PDE3B: variants seen among roughly 807,000 people sequenced by gnomAD.
PDE3B encodes the protein cGMP-inhibited 3',5'-cyclic phosphodiesterase 3B.
Under a neutral mutation model 116.8 loss-of-function variants are expected in PDE3B, and 66 were observed. That is an observed-to-expected ratio of 0.56 (90% CI 0.46 to 0.69). The LOEUF is 0.69. PDE3B is among the 30% of genes least tolerant of loss of function. The probability of loss-of-function intolerance (pLI) is 0.00; values close to 1 mark genes in which losing one functional copy is unlikely to be tolerated. For synonymous variants in PDE3B, 595 were observed against 533.6 expected, an observed-to-expected ratio of 1.12 and a Z score of -1.59; for missense variants, 1,384 against 1,368.1, an observed-to-expected ratio of 1.01 and a Z score of -0.18.
At chr11:14,679,285 T>C (rs1854626577) in intron 1 of PDE3B, among the ~76,000 whole-genome samples, 1 of 152,202 alleles carries the variant, frequency 6.6e-6, no homozygotes, top group Admixed American at 6.5e-5. Context: ...CACATTAAAT[T>C]AGTAGAATCA....
intron 1 of PDE3B, among the ~76,000 whole-genome samples, chr11:14,765,245 AT>A (rs574999902): frequency 1.2e-4 from 18 of 152,108 alleles, no homozygotes; most frequent in African/African-American, 4.1e-4. Context: ...TAAATTTCAC[AT>A]AAATATAACA....
At chr11:14,849,102 C>G (rs1388088075) in intron 12 of PDE3B, among the ~76,000 whole-genome samples, 22 of 149,774 alleles carry the variant, frequency 1.5e-4, no homozygotes, top group Admixed American at 9.4e-4. Context: ...CAAGGCTACA[C>G]TAACCAAAAC....
chr11:14,771,832 T>A, intron 1 of PDE3B, 105 bp from the exon 2 acceptor site: 2 of 436,602 alleles, frequency 4.6e-6, no homozygotes, highest in Non-Finnish European at 8.4e-6. Flanking sequence ...CTCTTCCAGA[T>A]TTTGAGCTAT....
downstream of PDE3B, among the ~76,000 whole-genome samples, chr11:14,876,957 T>G (rs1351686136): frequency 6.6e-6 from 1 of 152,170 alleles, no homozygotes; most frequent in Non-Finnish European, 1.5e-5. Context: ...AAACTCCTGA[T>G]GTATAACACA....
intron 1 of PDE3B, among the ~76,000 whole-genome samples, chr11:14,767,937 C>T (rs2349789): frequency 0.98 from 148,046 of 151,078 alleles, 72,636 homozygotes; most frequent in Middle Eastern, 1. Context: ...TAATCTAATA[C>T]TACGGAGACA....
intron 1 of PDE3B, among the ~76,000 whole-genome samples, chr11:14,710,719 GGA>G (rs1400092106): frequency 6.6e-6 from 1 of 152,158 alleles, no homozygotes; most frequent in Non-Finnish European, 1.5e-5. Flanking sequence ...AAGAGAGGGA[GGA>G]GAGAGACAGA....
chr11:14,704,309 G>T (rs577004801), intron 1 of PDE3B, among the ~76,000 whole-genome samples: 1 of 151,852 alleles, frequency 6.6e-6, no homozygotes, highest in East Asian at 1.9e-4. Flanking sequence ...TTCTTTCAGT[G>T]TGCTCAAATA....
chr11:14,646,770 A>G (rs1386699829), intron 1 of PDE3B, among the ~76,000 whole-genome samples: 2 of 152,118 alleles, frequency 1.3e-5, no homozygotes, highest in South Asian at 2.1e-4. Context: ...TCTTTCCATC[A>G]CAGCATAGCT....
chr11:14,798,396 T>G (rs1269751662), intron 4 of PDE3B, among the ~76,000 whole-genome samples: 1 of 152,224 alleles, frequency 6.6e-6, no homozygotes, highest in Non-Finnish European at 1.5e-5. Context: ...AATTTTCTTT[T>G]TTTGTTGTGT....
At chr11:14,876,841 C>T (rs534613637), downstream of PDE3B, among the ~76,000 whole-genome samples, 25 of 152,034 alleles carry the variant, frequency 1.6e-4, no homozygotes, top group Non-Finnish European at 3.1e-4. Context: ...CCATACGGAC[C>T]CTAAAACTTC....
chr11:14,896,371 G>A, the PDE3B span, among the ~76,000 whole-genome samples: 1 of 151,926 alleles, frequency 6.6e-6, no homozygotes, highest in African/African-American at 2.4e-5. Context: ...AAATGTATTG[G>A]GCACCTACTA....
chr11:14,843,214 G>A (rs541234817), intron 11 of PDE3B, among the ~76,000 whole-genome samples: 1 of 152,288 alleles, frequency 6.6e-6, no homozygotes, highest in Non-Finnish European at 1.5e-5. Context: ...GATAAAAATA[G>A]AGTTATGTTG....
At chr11:14,739,735 G>C (rs1479805596) in intron 1 of PDE3B, among the ~76,000 whole-genome samples, 2 of 152,144 alleles carry the variant, frequency 1.3e-5, no homozygotes, top group African/African-American at 2.4e-5. Flanking sequence ...TATTGGCTCT[G>C]GGTTTGTCAT....
intron 7 of PDE3B, among the ~76,000 whole-genome samples, chr11:14,820,618 G>T (rs989763901): frequency 1.3e-5 from 2 of 152,076 alleles, no homozygotes. Context: ...TTCATGTGTC[G>T]AAATCCTATA....
At chr11:14,840,448 T>G (rs940008350) in intron 11 of PDE3B, among the ~76,000 whole-genome samples, 3 of 152,162 alleles carry the variant, frequency 2.0e-5, no homozygotes, top group African/African-American at 4.8e-5. Flanking sequence ...AGGGGAAGAA[T>G]TACTTACAAG....
intron 1 of PDE3B, among the ~76,000 whole-genome samples, chr11:14,725,782 T>C (rs185583008): frequency 6.6e-6 from 1 of 151,706 alleles, no homozygotes; most frequent in East Asian, 1.9e-4. Context: ...GCCTAGACTA[T>C]TGGAGTAACC....
intron 1 of PDE3B, among the ~76,000 whole-genome samples, chr11:14,664,324 A>C: frequency 6.6e-6 from 1 of 152,208 alleles, no homozygotes; most frequent in Non-Finnish European, 1.5e-5. Context: ...GGAAAGATCC[A>C]AAATTGACAC....
the PDE3B span, chr11:14,879,022 T>C: frequency 1.9e-6 from 2 of 1,034,284 alleles, no homozygotes; most frequent in East Asian, 4.9e-5. Flanking sequence ...GATATTTAAT[T>C]CTATAGAAGG....
intron 1 of PDE3B, among the ~76,000 whole-genome samples, chr11:14,662,137 A>G (rs146128209): frequency 0.048 from 7,370 of 152,264 alleles, 253 homozygotes; most frequent in Non-Finnish European, 0.072. Flanking sequence ...AGACAGCAAC[A>G]TTCACGGTTC....
Sources: gnomAD v4.1 joint callset for allele counts (sites outside exome capture counted in the v4.1 genomes callset) on GRCh38, gnomAD v4.1.1 for gene constraint, MANE v1.5 for transcripts, NCBI Gene and HGNC (gene_info 2026-07-23, HGNC 2026-07-21) for gene names.